Variants in NDUFAF6 observed in about 807,000 individuals in gnomAD.
The protein encoded by NDUFAF6 is NADH dehydrogenase (ubiquinone) complex I, assembly factor 6.
Under a neutral mutation model 40.8 loss-of-function variants are expected in NDUFAF6, and 45 were observed. The ratio of observed to expected loss-of-function variants is 1.10; its 90% CI spans 0.87 to 1.42. NDUFAF6 has a LOEUF of 1.42. Among genes scored for constraint, NDUFAF6 ranks in the 40% most tolerant of loss-of-function variants. NDUFAF6 has a pLI of 0.00. For missense variants in NDUFAF6, 435 were observed against 418.5 expected, an observed-to-expected ratio of 1.04 and a Z score of -0.34; for synonymous variants, 185 against 155.9, an observed-to-expected ratio of 1.19 and a Z score of -1.39.
At chr8:94,950,229 C>G (rs926200395) in intron 2 of NDUFAF6, 5 of 152,422 alleles carry the variant, frequency 3.3e-5, no homozygotes, top group Non-Finnish European at 2.9e-5. Flanking sequence ...AAATTGTGGG[C>G]ATTCACGCCG....
chr8:95,099,693 T>C (rs1809591668), upstream of NDUFAF6, among the ~76,000 whole-genome samples: 1 of 152,100 alleles, frequency 6.6e-6, no homozygotes, highest in Admixed American at 6.6e-5. Flanking sequence ...GAGACTAGAT[T>C]CTTCTTGGAT....
chr8:95,112,119 A>G (rs1810014627), intron 4 of NDUFAF6, among the ~76,000 whole-genome samples: 1 of 152,160 alleles, frequency 6.6e-6, no homozygotes, highest in African/African-American at 2.4e-5. Flanking sequence ...GCTATTTTAC[A>G]TGGCCAAAGG....
At chr8:94,943,458 G>C (rs894335474) in intron 1 of NDUFAF6, among the ~76,000 whole-genome samples, 6 of 152,156 alleles carry the variant, frequency 3.9e-5, no homozygotes, top group Admixed American at 1.3e-4. Context: ...CTGTACTCCA[G>C]TGTGAGTGAC....
Position 94,940,150 on chromosome 8 carries a change from C to T in NDUFAF6, c.-935-5333C>T, listed in dbSNP as rs780772403. ...GTAAACAGGAAAAGACTGAAGGGTG[C>T]TCAGTAGGTGACTCTTCACTGATGT... On this transcript the variant is annotated intron_variant, in intron 1 of 14. Coordinates refer to the NDUFAF6 transcript ENST00000396113. 19 of 1,614,042 alleles carry T rather than the reference C, an allele frequency of 1.2e-5. No homozygotes were observed. The African/African-American group carries it at 2.1e-4, about 18-fold the overall frequency.
At chr8:94,957,761 G>A (rs1586803191), upstream of NDUFAF6, among the ~76,000 whole-genome samples, 1 of 152,222 alleles carries the variant, frequency 6.6e-6, no homozygotes, top group Non-Finnish European at 1.5e-5. Context: ...TATTCATGAA[G>A]GACATCTGAA....
Position 95,045,592 on chromosome 8 carries a change from A to G in NDUFAF6, c.525A>G (p.Glu175=), listed in dbSNP as rs1295938508. The change falls in exon 5 of 9, where the codon GAA becomes GAG. Residue 175 remains glutamate (E), a synonymous_variant. Transcript: ENST00000396124. ...DKAYRNIKEL[E]NYAENTQSSL... ...CATATCGTAATATCAAGGAACTGGA[A>G]AATTATGCTGAAAACACACAGAGCT... The G allele has an allele frequency of 6.2e-7, 1 of 1,613,592 alleles. No homozygotes were observed. The highest frequency in any genetic ancestry group is 1.7e-5 in the Admixed American group (1 of 60,012).
At chr8:94,991,743 A>T (rs980543024) in intron 2 of NDUFAF6, among the ~76,000 whole-genome samples, 62 of 150,040 alleles carry the variant, frequency 4.1e-4, no homozygotes, top group African/African-American at 1.5e-3. Flanking sequence ...TTTTCTCTTC[A>T]TCTATCTTGG....
Position 95,025,117 on chromosome 8 carries a change from C to G in NDUFAF6, c.109C>G (p.Pro37Ala). 6.8e-7 allele frequency: 1 copy of G among 1,478,676 alleles called. No individual in the cohort carries two copies. The highest frequency in any genetic ancestry group is 8.9e-7 in the Non-Finnish European group (1 of 1,124,420). 91.6% of individuals were successfully genotyped at this position (1,478,676 alleles called of 1,614,324 possible). ...TCTGTACGCGCGCATGCGGCGGCTG[C>G]CCGGGCCGGAGGTGTCTGGGCGGAG... is the stretch of plus-strand genomic sequence containing the variant. ...LGLYARMRRL[P>A]GPEVSGRSVA... is the part of the protein sequence containing the mutation. Residue 37 changes from proline (P) to alanine (A), a missense_variant, in exon 1 of 9, where the codon CCC becomes GCC. Transcript: ENST00000396124.
chr8:95,098,477 C>A (rs111551537), upstream of NDUFAF6, among the ~76,000 whole-genome samples: 27,214 of 152,120 alleles, frequency 0.18, 2,641 homozygotes, highest in African/African-American at 0.25. Flanking sequence ...ACCAGCCTGA[C>A]CAACATGGTG....
At chr8:94,990,206 T>C (rs1300523921) in intron 2 of NDUFAF6, among the ~76,000 whole-genome samples, 1 of 152,184 alleles carries the variant, frequency 6.6e-6, no homozygotes, top group Non-Finnish European at 1.5e-5. Flanking sequence ...TCTGCTTTGC[T>C]GAAAGACAAG....
chr8:94,969,267 A>G (rs1163245413), intron 1 of NDUFAF6, among the ~76,000 whole-genome samples: 1 of 152,224 alleles, frequency 6.6e-6, no homozygotes, highest in Non-Finnish European at 1.5e-5. Context: ...AAGGAAACTG[A>G]GAAAGAGAAA....
chr8:95,078,660 A>ATATATATATATATATATATATAT (rs542717810), downstream of NDUFAF6: 14 of 58,592 alleles, frequency 2.4e-4, no homozygotes, highest in African/African-American at 7.6e-4. Context: ...AAAAAAAAAA[A>ATATATATATATATATATATATAT]AAATATATAT....
chr8:95,036,505 G>A, intron 3 of NDUFAF6: 1 of 1,288,888 alleles, frequency 7.8e-7, no homozygotes, highest in Admixed American at 2.3e-5. Context: ...GTGAGTATTA[G>A]ATTAGTTCTT....
intron 2 of NDUFAF6, among the ~76,000 whole-genome samples, chr8:95,008,404 G>A (rs555641491): frequency 2.4e-4 from 36 of 152,278 alleles, no homozygotes; most frequent in African/African-American, 4.3e-4. Flanking sequence ...ATTTTTATTC[G>A]TGTCAGTTTG....
In NDUFAF6 at chr8:95,042,281, G is replaced by A. The variant is rs528943760; in HGVS notation, c.477+655G>A. Among the ~76,000 whole-genome samples, 9 of 152,320 alleles carry A rather than the reference G, an allele frequency of 5.9e-5. No individual in the cohort carries two copies. The South Asian group carries it at 6.2e-4, about 11-fold the overall frequency. On this transcript the variant is annotated intron_variant, in intron 4 of 8. Coordinates refer to ENST00000396124, the MANE Select transcript of NDUFAF6 (RefSeq NM_152416.4). ...TGTGACCTTTCTGATGCATTGTTAG[G>A]TCTGTGTTCCCCTTGGCCTGATATT...
Position 94,961,506 on chromosome 8 carries a change from C to G in NDUFAF6, c.-199+3327C>G, listed in dbSNP as rs182306295. Among the ~76,000 whole-genome samples, 154 of 152,330 alleles carry G rather than the reference C, an allele frequency of 1.0e-3. 1 individual carries two copies. The highest frequency in any genetic ancestry group is 1.9e-3 in the Non-Finnish European group (128 of 68,036). On this transcript the variant is annotated intron_variant, in intron 1 of 9. Transcript: ENST00000396111. ...CCACCATCTCAGCTCACTGCAACCT[C>G]CGCCTCCCGGGCTCCAGCGATTTTC...
chr8:95,065,397 A>T (rs1007082048), intron 9 of NDUFAF6, among the ~76,000 whole-genome samples: 1 of 152,170 alleles, frequency 6.6e-6, no homozygotes, highest in African/African-American at 2.4e-5. Context: ...ATTTCCACAT[A>T]TTTCTACTGA....
intron 1 of NDUFAF6, among the ~76,000 whole-genome samples, chr8:94,941,834 T>C (rs1157019966): frequency 6.6e-6 from 1 of 152,224 alleles, no homozygotes; most frequent in Non-Finnish European, 1.5e-5. Context: ...GAGTTCTAAA[T>C]GAAGAACTCC....
chr8:95,052,502 T>C (rs1245390842), intron 8 of NDUFAF6, among the ~76,000 whole-genome samples: 8 of 152,316 alleles, frequency 5.3e-5, no homozygotes, highest in African/African-American at 1.9e-4. Flanking sequence ...AATGGGACCT[T>C]AAATTCCTTA....
Sources: gnomAD v4.1 joint callset for allele counts (sites outside exome capture counted in the v4.1 genomes callset) on GRCh38, gnomAD v4.1.1 for gene constraint, MANE v1.5 for transcripts, NCBI Gene and HGNC (gene_info 2026-07-23, HGNC 2026-07-21) for gene names.